RPS6KA2: variants seen among roughly 807,000 people sequenced by gnomAD.
RPS6KA2 encodes ribosomal protein S6 kinase A2.
Under a neutral mutation model 91.8 loss-of-function variants are expected in RPS6KA2, and 42 were observed. The observed-to-expected ratio is 0.46, with a 90% CI of 0.36 to 0.59. The LOEUF is 0.59. Ranked by LOEUF, RPS6KA2 falls within the 20% of genes least tolerant of loss-of-function variation. RPS6KA2 has a pLI of 0.00. For missense variants in RPS6KA2, 798 were observed against 978.5 expected (o/e 0.82, Z 2.46); for synonymous variants, 414 against 393.6 (o/e 1.05, Z -0.61).
intron 2 of RPS6KA2, among the ~76,000 whole-genome samples, chr6:166,750,112 G>A (rs34798647): frequency 0.52 from 78,382 of 152,064 alleles, 21,650 homozygotes; most frequent in East Asian, 0.74. Flanking sequence ...TGCCCATGCC[G>A]GAGAGAAGTT....
intron 2 of RPS6KA2, among the ~76,000 whole-genome samples, chr6:166,710,305 A>G (rs566931525): frequency 1.3e-5 from 2 of 152,338 alleles, no homozygotes; most frequent in African/African-American, 4.8e-5. Context: ...TTAATCAGTT[A>G]TATTGGACAG....
chr6:166,845,768 G>A (rs1448867838), intron 2 of RPS6KA2, among the ~76,000 whole-genome samples: 2 of 151,864 alleles, frequency 1.3e-5, no homozygotes, highest in Non-Finnish European at 2.9e-5. Flanking sequence ...GTCTAAAAGA[G>A]CACAAATAGA....
chr6:166,488,018 G>A (rs919539888), intron 10 of RPS6KA2, among the ~76,000 whole-genome samples: 26 of 152,036 alleles, frequency 1.7e-4, no homozygotes, highest in Admixed American at 2.6e-4. Context: ...TATTTTTTCC[G>A]AAATGAAGTA....
chr6:166,771,127 C>A (rs756954792), intron 2 of RPS6KA2, among the ~76,000 whole-genome samples: 1 of 152,156 alleles, frequency 6.6e-6, no homozygotes, highest in Non-Finnish European at 1.5e-5. Flanking sequence ...AAGGAACTTG[C>A]GACTTTTGTG....
At chr6:166,705,904 A>T (rs904653063) in intron 2 of RPS6KA2, among the ~76,000 whole-genome samples, 2 of 152,182 alleles carry the variant, frequency 1.3e-5, no homozygotes, top group Non-Finnish European at 2.9e-5. Context: ...GGAGGTGATT[A>T]GGTCATGAGA....
intron 2 of RPS6KA2, among the ~76,000 whole-genome samples, chr6:166,854,285 C>T (rs1016831614): frequency 6.6e-6 from 1 of 152,240 alleles, no homozygotes; most frequent in Non-Finnish European, 1.5e-5. Flanking sequence ...CACCAGAACT[C>T]ACCTTCTTGG....
At chr6:166,791,068 C>G (rs967415599) in intron 2 of RPS6KA2, among the ~76,000 whole-genome samples, 1 of 152,092 alleles carries the variant, frequency 6.6e-6, no homozygotes, top group Non-Finnish European at 1.5e-5. Context: ...CACAGACTGG[C>G]AAATTCGATA....
At chr6:166,818,655 GGAGGTT>G (rs1779830326) in intron 2 of RPS6KA2, among the ~76,000 whole-genome samples, 1 of 152,132 alleles carries the variant, frequency 6.6e-6, no homozygotes, top group Admixed American at 6.5e-5. Flanking sequence ...TTATTAAAGT[GGAGGTT>G]GAAAACAGTG....
intron 2 of RPS6KA2, among the ~76,000 whole-genome samples, chr6:166,791,329 T>G (rs1478990333): frequency 6.6e-6 from 1 of 152,124 alleles, no homozygotes; most frequent in Non-Finnish European, 1.5e-5. Flanking sequence ...CCTAAATATA[T>G]ATGCACCCAA....
chr6:166,862,335 G>A, exon 1 of RPS6KA2: 1 of 1,472,000 alleles, frequency 6.8e-7, no homozygotes, highest in Non-Finnish European at 9.0e-7. Context: ...TCCCAGAGGA[G>A]GTCGTGAGCG....
intron 2 of RPS6KA2, chr6:166,757,403 C>T (rs927787359): frequency 4.8e-5 from 20 of 417,164 alleles, no homozygotes; most frequent in African/African-American, 3.9e-4. Context: ...CTGTGAGATT[C>T]CACTCCGCCC....
At chr6:166,750,814 A>T (rs994148097) in intron 2 of RPS6KA2, among the ~76,000 whole-genome samples, 1 of 152,212 alleles carries the variant, frequency 6.6e-6, no homozygotes, top group Non-Finnish European at 1.5e-5. Flanking sequence ...GTCTAAAGCA[A>T]TGGAAATGGG....
chr6:166,628,336 G>A (rs1483991569), upstream of RPS6KA2, among the ~76,000 whole-genome samples: 1 of 152,230 alleles, frequency 6.6e-6, no homozygotes, highest in Non-Finnish European at 1.5e-5. Flanking sequence ...TAAAAACAGG[G>A]AGAAACCGAG....
At chr6:166,428,274 C>T (rs1446155272) in intron 16 of RPS6KA2, among the ~76,000 whole-genome samples, 4 of 150,186 alleles carry the variant, frequency 2.7e-5, no homozygotes, top group Admixed American at 2.0e-4. Context: ...AAACTGGATC[C>T]CTTCCTTACA....
At chr6:166,676,574 G>A (rs80201003) in intron 2 of RPS6KA2, among the ~76,000 whole-genome samples, 147 of 152,264 alleles carry the variant, frequency 9.7e-4, no homozygotes, top group Admixed American at 1.8e-3. Context: ...TGTAGAACTT[G>A]TAACCAGGAC....
intron 2 of RPS6KA2, among the ~76,000 whole-genome samples, chr6:166,761,768 T>C (rs923249715): frequency 6.6e-6 from 1 of 152,196 alleles, no homozygotes. Flanking sequence ...ACCTTTCCCC[T>C]TCCTAGGCCC....
chr6:166,618,825 T>C (rs1786510946), intron 1 of RPS6KA2, among the ~76,000 whole-genome samples: 1 of 152,248 alleles, frequency 6.6e-6, no homozygotes, highest in South Asian at 2.1e-4. Flanking sequence ...GTTGTTCTGC[T>C]GTCATGAGCC....
At chr6:166,859,455 G>A (rs1010868293) in intron 1 of RPS6KA2, among the ~76,000 whole-genome samples, 6 of 152,204 alleles carry the variant, frequency 3.9e-5, no homozygotes, top group African/African-American at 1.4e-4. Flanking sequence ...CAACTTGCCA[G>A]AACATAATTC....
chr6:166,477,832 G>A (rs1247990390), intron 10 of RPS6KA2, among the ~76,000 whole-genome samples: 1 of 152,168 alleles, frequency 6.6e-6, no homozygotes, highest in African/African-American at 2.4e-5. Flanking sequence ...GACTGCCTGA[G>A]TCCAGGCAAC....
Sources: gnomAD v4.1 joint callset for allele counts (sites outside exome capture counted in the v4.1 genomes callset) on GRCh38, gnomAD v4.1.1 for gene constraint, MANE v1.5 for transcripts, NCBI Gene and HGNC (gene_info 2026-07-23, HGNC 2026-07-21) for gene names.